Variants in TPTE2 observed in about 807,000 individuals in gnomAD.
TPTE2 encodes the protein transmembrane phosphoinositide 3-phosphatase and tensin homolog 2.
In TPTE2, 53 loss-of-function variants were observed where a neutral mutation model predicts 78.6. The observed-to-expected ratio is 0.67, with a 90% CI of 0.54 to 0.85. TPTE2 has a LOEUF of 0.85. Among genes scored for constraint, TPTE2 ranks in the 40% least tolerant of loss-of-function variants. The pLI is 0.00. For synonymous variants in TPTE2, 175 were observed against 206.2 expected (o/e 0.85, Z 1.30); for missense variants, 461 against 623.0 (o/e 0.74, Z 2.77).
intron 1 of TPTE2, among the ~76,000 whole-genome samples, chr13:19,508,908 G>A (rs575290096): frequency 2.8e-4 from 41 of 144,494 alleles, no homozygotes; most frequent in Non-Finnish European, 4.9e-4. Context: ...ATAGCTCTCC[G>A]TACCATAAAG....
chr13:19,461,578 T>G (rs1348272398), intron 10 of TPTE2, among the ~76,000 whole-genome samples: 1 of 152,216 alleles, frequency 6.6e-6, no homozygotes, highest in Non-Finnish European at 1.5e-5. Flanking sequence ...AGATGATCTG[T>G]CCGGTGGTAA....
At chr13:19,521,061 C>A (rs1324180085) in intron 1 of TPTE2, among the ~76,000 whole-genome samples, 1 of 151,944 alleles carries the variant, frequency 6.6e-6, no homozygotes, top group Non-Finnish European at 1.5e-5. Context: ...AGACTGTATA[C>A]TCTGTTGTTG....
intron 1 of TPTE2, among the ~76,000 whole-genome samples, chr13:19,496,749 T>G (rs374362884): frequency 2.0e-5 from 3 of 152,258 alleles, no homozygotes; most frequent in East Asian, 3.9e-4. Flanking sequence ...GCTCTCAAAC[T>G]CAGGAAATCT....
Position 19,535,218 on chromosome 13 carries a change from C to CAA in TPTE2, c.-44+1376_-44+1377dup, listed in dbSNP as rs1227358531. Among the ~76,000 whole-genome samples, 1,580 of 12,238 alleles carry CAA rather than the reference C, an allele frequency of 0.13. 28 individuals are homozygous for CAA. Among genetic ancestry groups the CAA allele is most frequent in the African/African-American group, 0.21 (1,475 of 7,050 alleles). The allele number at this position is 12,238 out of a possible 152,430, so 8.0% of individuals were successfully genotyped here. A position where few individuals can be genotyped will look rare whatever the true frequency, so the allele number is the denominator to read the frequency against. On this transcript the variant is annotated intron_variant, in intron 1 of 17. Transcript: ENST00000390680. The surrounding 1 kb of genome is among the most constrained non-coding windows in gnomAD (Gnocchi z 5.1). ...ATTCCTTCTCAAAAAAACAAACAAA[C>CAA]AAAAAAATATATATATATATATATT...
chr13:19,430,608 A>C, intron 16 of TPTE2, 61 bp from the exon 20 acceptor site: 1 of 1,113,698 alleles, frequency 9.0e-7, no homozygotes, highest in Non-Finnish European at 1.3e-6. Flanking sequence ...AATATGTCTC[A>C]CCACTTAACA....
At position 19,443,920 on chromosome 13, in the gene TPTE2, G is replaced by GA. The variant is rs535747095; in HGVS notation, c.974-5768dup. ...CTAGGGGAGATAAATGACTGAAATG[G>GA]AAAAAATACAATTTATTATTTTCAT... On this transcript the variant is annotated intron_variant, in intron 13 of 19. Coordinates refer to ENST00000400230, the Ensembl canonical transcript of TPTE2. Among the ~76,000 whole-genome samples, 105 of 152,006 alleles carry GA rather than the reference G, an allele frequency of 6.9e-4. No individual in the cohort carries two copies. In the South Asian group the frequency reaches 0.018, roughly 26 times the overall value.
At chr13:19,546,722 T>C in the TPTE2 span, among the ~76,000 whole-genome samples, 1 of 151,906 alleles carries the variant, frequency 6.6e-6, no homozygotes, top group African/African-American at 2.4e-5. Context: ...GCTCCTGACC[T>C]CAGGTGATCC....
intron 1 of TPTE2, among the ~76,000 whole-genome samples, chr13:19,516,758 G>A (rs1869820942): frequency 6.6e-6 from 1 of 152,120 alleles, no homozygotes; most frequent in African/African-American, 2.4e-5. Flanking sequence ...CGCCCCTGTA[G>A]GAAAGATTAA....
In TPTE2 at chr13:19,486,561, G is replaced by A. The variant is rs537156331; in HGVS notation, c.120-4014C>T. ...AGGCCCAGGACGCAGGCACACAGCT[G>A]TTTGCCTGGCCTGGAAGCATGCACT... On this transcript the variant is annotated intron_variant, in intron 3 of 19. Coordinates refer to ENST00000400230, the Ensembl canonical transcript of TPTE2. The surrounding 1 kb of genome is among the most constrained non-coding windows in gnomAD (Gnocchi z 4.3). 3.9e-5 allele frequency among the ~76,000 whole-genome samples: 6 copies of A among 152,320 alleles called. No homozygotes were observed. The highest frequency in any genetic ancestry group is 1.3e-4 in the Admixed American group (2 of 15,306).
At chr13:19,475,787 A>G (rs1175197303) in intron 4 of TPTE2, among the ~76,000 whole-genome samples, 164 bp from the exon 8 acceptor site, 2 of 152,166 alleles carry the variant, frequency 1.3e-5, no homozygotes, top group East Asian at 1.9e-4. Flanking sequence ...TTCCTGCTCC[A>G]TGAGTATTTT....
At chr13:19,438,116 G>T in exon 14 of TPTE2, 2 of 1,607,686 alleles carry the variant, frequency 1.2e-6, no homozygotes, top group Non-Finnish European at 1.7e-6. Flanking sequence ...ATATTTCGGA[G>T]GCAATAAGGA....
chr13:19,426,690 T>C (rs185288235), intron 17 of TPTE2, among the ~76,000 whole-genome samples, 173 bp from the exon 21 acceptor site: 262 of 152,236 alleles, frequency 1.7e-3, no homozygotes, highest in Non-Finnish European at 2.1e-3. Context: ...CTGTTGTTTA[T>C]GTGTGTGTGT....
chr13:19,491,767 G>A (rs1881002404), intron 3 of TPTE2, among the ~76,000 whole-genome samples: 1 of 152,122 alleles, frequency 6.6e-6, no homozygotes, highest in Admixed American at 6.6e-5. Flanking sequence ...GGAGGTTACA[G>A]GGAGCCGAGA....
At chr13:19,470,055 C>A (rs766537730) in intron 6 of TPTE2, among the ~76,000 whole-genome samples, 79 of 152,028 alleles carry the variant, frequency 5.2e-4, no homozygotes, top group African/African-American at 1.8e-3. Context: ...CTAGGACTTC[C>A]GGTACTATGT....
intron 17 of TPTE2, among the ~76,000 whole-genome samples, chr13:19,428,267 G>A (rs568861158): frequency 1.1e-4 from 17 of 152,032 alleles, no homozygotes; most frequent in South Asian, 8.3e-4. Flanking sequence ...TGACCAACAT[G>A]GAGAAACCCC....
chr13:19,529,307 A>G (rs536315115), intron 1 of TPTE2, among the ~76,000 whole-genome samples: 9 of 152,148 alleles, frequency 5.9e-5, no homozygotes, highest in African/African-American at 2.2e-4. Context: ...TCCCACTGAT[A>G]AGAGAGACAG....
At chr13:19,528,365 C>A (rs1220000630) in intron 1 of TPTE2, among the ~76,000 whole-genome samples, 1 of 146,794 alleles carries the variant, frequency 6.8e-6, no homozygotes, top group East Asian at 2.0e-4. Context: ...CCAGCCTAGG[C>A]AACAAGAGCG....
chr13:19,523,620 T>C, intron 1 of TPTE2, among the ~76,000 whole-genome samples: 1 of 151,940 alleles, frequency 6.6e-6, no homozygotes, highest in East Asian at 1.9e-4. Context: ...GGATTACAGG[T>C]GCATGCCACC....
rs371368072 is a variant in TPTE2 at position 19,430,554 on chromosome 13, C to T, written c.1223-7G>A. The T allele has an allele frequency of 5.9e-5, 94 of 1,601,760 alleles. No individual in the cohort carries two copies. The highest frequency in any genetic ancestry group is 7.7e-5 in the Non-Finnish European group (91 of 1,174,724). On this transcript the variant is annotated splice_polypyrimidine_tract_variant and splice_region_variant and intron_variant, in intron 16 of 19. Coordinates refer to ENST00000400230, the Ensembl canonical transcript of TPTE2. ...TTTAGATCACATACATCACCTGTTC[C>T]AACAAAATGAAATTAAAAAGTTAGG... is the stretch of plus-strand genomic sequence containing the variant.
Sources: gnomAD v4.1 joint callset for allele counts (sites outside exome capture counted in the v4.1 genomes callset) on GRCh38, gnomAD v4.1.1 for gene constraint, Gnocchi (gnomAD v3.1) non-coding constraint, MANE v1.5 for transcripts, NCBI Gene and HGNC (gene_info 2026-07-23, HGNC 2026-07-21) for gene names.